Variants in LAMB4 observed in about 807,000 individuals in gnomAD.
LAMB4 encodes the protein laminin subunit beta-4.
Under a neutral mutation model 199.2 loss-of-function variants are expected in LAMB4, and 196 were observed. The ratio of observed to expected loss-of-function variants is 0.98; its 90% CI spans 0.88 to 1.11. The LOEUF (loss-of-function observed/expected upper bound fraction) is 1.11. Among genes scored for constraint, LAMB4 ranks in the 50% least tolerant of loss-of-function variants. The pLI is 0.00. For missense variants in LAMB4, 2,080 were observed against 2,171.2 expected, an observed-to-expected ratio of 0.96 and a Z score of 0.83; for synonymous variants, 744 against 770.6, an observed-to-expected ratio of 0.97 and a Z score of 0.57.
chr7:108,109,481 T>C (rs1048799598), intron 4 of LAMB4, among the ~76,000 whole-genome samples: 3 of 152,204 alleles, frequency 2.0e-5, no homozygotes, highest in African/African-American at 7.2e-5. Context: ...GCAACACACA[T>C]GGCCACTATG....
intron 17 of LAMB4, among the ~76,000 whole-genome samples, chr7:108,073,217 G>C (rs1300448879): frequency 6.6e-6 from 1 of 152,188 alleles, no homozygotes; most frequent in African/African-American, 2.4e-5. Flanking sequence ...TGTTGGCCAG[G>C]CTGGTCTCAA....
chr7:108,128,330 A>G (rs938673410), intron 1 of LAMB4, among the ~76,000 whole-genome samples: 13 of 152,126 alleles, frequency 8.5e-5, no homozygotes, highest in African/African-American at 2.4e-4. Flanking sequence ...TGAAGTCAAT[A>G]GGGTTCTGGC....
the LAMB4 span, among the ~76,000 whole-genome samples, chr7:108,016,526 C>T: frequency 9.9e-5 from 15 of 152,258 alleles, no homozygotes; most frequent in South Asian, 2.1e-4. Flanking sequence ...TCAAGTGATC[C>T]GCCTGCTGCG....
rs2035151069 is a variant in LAMB4, at chr7:108,034,328, T to C, written c.4698A>G (p.Leu1566=). The C allele has an allele frequency of 8.7e-6, 14 of 1,610,382 alleles. No homozygotes were observed. Among genetic ancestry groups the C allele is most frequent in the Non-Finnish European group, 1.2e-5 (14 of 1,176,552 alleles). Reference sequence around the variant, plus strand: ...GGTTCAATGTTTTGTCAAGATTTAATAGAATATTTGCTGCTTTCCTAAGGT... The same window carrying C: ...GGTTCAATGTTTTGTCAAGATTTAACAGAATATTTGCTGCTTTCCTAAGGT... ...AKAAEKAANI[L]LNLDKTLNQL... The change falls in exon 31 of 34, where the codon CTA becomes CTG. Residue 1566 remains leucine, a synonymous_variant. Coordinates refer to ENST00000388781, the MANE Select transcript of LAMB4 (RefSeq NM_007356.3).
At chr7:108,019,059 T>C (rs1584563613), downstream of LAMB4, among the ~76,000 whole-genome samples, 1 of 152,006 alleles carries the variant, frequency 6.6e-6, no homozygotes, top group Non-Finnish European at 1.5e-5. Context: ...AAATGGAGGG[T>C]GTTTTTGTTT....
chr7:108,100,245 T>C (rs1563092703), intron 10 of LAMB4, among the ~76,000 whole-genome samples: 1 of 152,224 alleles, frequency 6.6e-6, no homozygotes, highest in Non-Finnish European at 1.5e-5. Context: ...TATCAAGTAG[T>C]TGAGTCTACC....
Position 108,098,433 on chromosome 7 carries a change from G to T in LAMB4, c.1330C>A (p.Leu444Ile), listed in dbSNP as rs771504670. The T allele has an allele frequency of 4.6e-6, 7 of 1,532,040 alleles. No homozygotes were observed. The African/African-American group carries it at 1.2e-4, about 27-fold the overall frequency. 94.9% of individuals were successfully genotyped at this position (1,532,040 alleles called of 1,614,324 possible). The change falls in exon 11 of 34, where the codon CTA becomes ATA. Residue 444 changes from leucine to isoleucine, a missense_variant. Transcript: ENST00000388781. ...CAGCCCAGGGGGTCGGTGGCGCTTAGTCCGTAGTGGTTGGGTTTGCACTGG... is the reference window on the plus strand; with the variant it reads ...CAGCCCAGGGGGTCGGTGGCGCTTATTCCGTAGTGGTTGGGTTTGCACTGG... ...CDQCKPNHYGLSATDPLGCQP... is the reference protein window; with the variant it reads ...CDQCKPNHYGISATDPLGCQP...
intron 14 of LAMB4, among the ~76,000 whole-genome samples, chr7:108,085,835 G>C (rs1021398867): frequency 6.6e-6 from 1 of 152,052 alleles, no homozygotes. Flanking sequence ...GGATGGTCTC[G>C]ATCTCCTGAC....
chr7:108,115,930 C>A, intron 3 of LAMB4, 74 bp downstream of exon 3: 2 of 1,442,134 alleles, frequency 1.4e-6, no homozygotes, highest in South Asian at 2.5e-5. Flanking sequence ...GTCTGAGTAG[C>A]CCCAGGTGTA....
In LAMB4 at chr7:108,111,892, G is replaced by T. The variant is rs1215119475; in HGVS notation, c.247C>A (p.Gln83Lys). 6.2e-7 allele frequency: 1 copy of T among 1,611,226 alleles called. No individual in the cohort carries two copies. The change falls in exon 4 of 34, where the codon CAA (glutamine) becomes AAA (lysine). Residue 83 changes from glutamine to lysine, a missense_variant. Coordinates refer to ENST00000388781, the MANE Select transcript of LAMB4 (RefSeq NM_007356.3). ...DSRFPYDPYDQPNSHTIENVI... is the reference protein window; with the variant it reads ...DSRFPYDPYDKPNSHTIENVI... Reference sequence around the variant, plus strand: ...TTCTCAATGGTGTGGCTGTTGGGTTGGTCATACGGATCATATGGAAATCTA... The same window carrying T: ...TTCTCAATGGTGTGGCTGTTGGGTTTGTCATACGGATCATATGGAAATCTA...
intron 18 of LAMB4, 35 bp from the exon 19 acceptor site, chr7:108,068,194 T>C (rs2150558365): frequency 4.3e-6 from 7 of 1,610,818 alleles, no homozygotes; most frequent in Non-Finnish European, 5.9e-6. Flanking sequence ...TAGAAATGAA[T>C]GAAGAGGCAG....
intron 19 of LAMB4, 111 bp downstream of exon 19, chr7:108,067,905 T>C: frequency 7.8e-7 from 1 of 1,275,718 alleles, no homozygotes; most frequent in Non-Finnish European, 1.1e-6. Flanking sequence ...CTGAATAATG[T>C]AGTCAGGTTT....
At chr7:108,098,285 AT>A in intron 11 of LAMB4, 117 bp downstream of exon 11, 1 of 794,726 alleles carries the variant, frequency 1.3e-6, no homozygotes, top group African/African-American at 1.7e-5. Context: ...GTGAGCCGAG[AT>A]TTTGCCACTG....
chr7:108,040,027 C>A (rs575784423), intron 29 of LAMB4, among the ~76,000 whole-genome samples: 1 of 152,216 alleles, frequency 6.6e-6, no homozygotes, highest in East Asian at 1.9e-4. Flanking sequence ...GTAGCCTTGG[C>A]CCAAAAGCTC....
chr7:108,081,772 C>T (rs2036951956), intron 14 of LAMB4, among the ~76,000 whole-genome samples: 1 of 152,142 alleles, frequency 6.6e-6, no homozygotes, highest in Non-Finnish European at 1.5e-5. Flanking sequence ...AGGGGAGGCA[C>T]TGACTTGAGC....
In LAMB4 at chr7:108,063,798, T is replaced by C. The variant is rs1433306165; in HGVS notation, c.3024A>G (p.Pro1008=). Residue 1008 remains proline, a synonymous_variant, in exon 22 of 34, where the codon CCA becomes CCG. Transcript: ENST00000388781. ...TQGANCQLCK[P]GHYGSALNQT... ...GATTGAGGGCTGATCCATAGTGACC[T>C]GGTTTGCAGAGCTGGCAGTTTGCGC... 2 of 1,614,214 alleles carry C rather than the reference T, an allele frequency of 1.2e-6. No individual in the cohort carries two copies. Among genetic ancestry groups the C allele is most frequent in the Non-Finnish European group, 1.7e-6 (2 of 1,180,028 alleles).
At chr7:108,056,155 C>T (rs1282425553) in intron 24 of LAMB4, 148 bp from the exon 25 acceptor site, 3 of 707,300 alleles carry the variant, frequency 4.2e-6, no homozygotes, top group Non-Finnish European at 6.9e-6. Flanking sequence ...TTTCAGAGAT[C>T]TGTGCAATAG....
chr7:108,116,249 TG>T (rs1179965526), intron 2 of LAMB4, 88 bp from the exon 3 acceptor site: 1 of 1,255,500 alleles, frequency 8.0e-7, no homozygotes, highest in African/African-American at 1.5e-5. Flanking sequence ...GGGAAAGTTA[TG>T]TATTTATTTA....
intron 7 of LAMB4, 46 bp from the exon 8 acceptor site, chr7:108,106,077 A>G: frequency 7.1e-7 from 1 of 1,400,310 alleles, no homozygotes; most frequent in Non-Finnish European, 1.0e-6. Context: ...GAGGTGCATC[A>G]GTTCAAGGGA....
Sources: allele counts gnomAD v4.1 joint callset (sites outside exome capture counted in the v4.1 genomes callset), GRCh38; gene constraint gnomAD v4.1.1; transcripts MANE v1.5; gene names NCBI Gene and HGNC (gene_info 2026-07-23, HGNC 2026-07-21).